The following CCS variants were observed in gnomAD, a reference collection of about 807,000 sequenced individuals.
CCS encodes superoxide dismutase copper chaperone.
A neutral mutation model predicts 35.5 loss-of-function variants in CCS; 32 were observed. The observed-to-expected ratio is 0.90, with a 90% CI of 0.68 to 1.21. CCS has a LOEUF of 1.21. Among genes scored for constraint, CCS ranks in the 50% most tolerant of loss-of-function variants. The pLI is 0.00. For missense variants in CCS, 342 were observed against 375.4 expected, an observed-to-expected ratio of 0.91 and a Z score of 0.73; for synonymous variants, 130 against 147.2, an observed-to-expected ratio of 0.88 and a Z score of 0.84.
At chr11:66,593,855 C>A in intron 2 of CCS, 141 bp downstream of exon 2, 1 of 787,918 alleles carries the variant, frequency 1.3e-6, no homozygotes, top group Non-Finnish European at 2.1e-6. Context: ...CTCAGAGTTA[C>A]ACACAGACCT....
chr11:66,602,449 C>CGA (rs138953573), intron 5 of CCS, among the ~76,000 whole-genome samples: 4 of 151,788 alleles, frequency 2.6e-5, no homozygotes, highest in Non-Finnish European at 2.9e-5. Flanking sequence ...AGTGAATGAG[C>CGA]GAGAGAGAGA....
chr11:66,594,333 TGG>T (rs1858436754), intron 2 of CCS, among the ~76,000 whole-genome samples: 8 of 152,242 alleles, frequency 5.3e-5, no homozygotes, highest in Non-Finnish European at 8.8e-5. Context: ...CACTCTAGCC[TGG>T]GCAACAGAGT....
intron 2 of CCS, among the ~76,000 whole-genome samples, chr11:66,595,737 G>T (rs1858466700): frequency 1.3e-5 from 2 of 152,142 alleles, no homozygotes; most frequent in Non-Finnish European, 2.9e-5. Context: ...ACATTCCAGG[G>T]TCTACCAGTC....
At chr11:66,593,978 T>C (rs1203305522) in intron 2 of CCS, among the ~76,000 whole-genome samples, 2 of 152,074 alleles carry the variant, frequency 1.3e-5, no homozygotes, top group Non-Finnish European at 2.9e-5. Flanking sequence ...GCTGAGGGAG[T>C]TCCTGGGAAA....
intron 2 of CCS, among the ~76,000 whole-genome samples, chr11:66,593,949 C>T (rs1590827200): frequency 6.6e-6 from 1 of 152,150 alleles, no homozygotes; most frequent in Non-Finnish European, 1.5e-5. Flanking sequence ...CTCAGGTGCC[C>T]CAGAGACTGA....
chr11:66,604,998 G>A (rs1858630574), intron 5 of CCS, among the ~76,000 whole-genome samples: 1 of 152,192 alleles, frequency 6.6e-6, no homozygotes, highest in African/African-American at 2.4e-5. Flanking sequence ...CAATTGCCTC[G>A]CCGGAAAAAC....
Position 66,603,845 on chromosome 11 carries a change from C to CAACAA in CCS, c.490-1466_490-1462dup, listed in dbSNP as rs567060029. 1.5e-3 allele frequency among the ~76,000 whole-genome samples: 231 copies of CAACAA among 151,612 alleles called. 1 individual carries two copies. The highest frequency in any genetic ancestry group is 2.9e-3 in the East Asian group (15 of 5,124). On this transcript the variant is annotated intron_variant, in intron 5 of 7. Transcript: ENST00000533244. ...TGGGCGACAGAGCAAGACTCCATCTCAACAAAACAAAACAAAACAAAACAA... is the reference window on the plus strand; with the variant it reads ...TGGGCGACAGAGCAAGACTCCATCTCAACAAAACAAAACAAAACAAAACAAAACAA...
chr11:66,593,517 C>A, intron 1 of CCS, 125 bp from the exon 2 acceptor site: 3 of 1,064,298 alleles, frequency 2.8e-6, no homozygotes, highest in Non-Finnish European at 4.2e-6. Context: ...GAAGAAGGTG[C>A]TTGAAGAGGG....
intron 5 of CCS, among the ~76,000 whole-genome samples, chr11:66,603,673 C>T (rs1206883576): frequency 3.3e-5 from 5 of 152,240 alleles, no homozygotes; most frequent in Admixed American, 2.0e-4. Context: ...TGTGAAACCC[C>T]GTCTCTACTA....
chr11:66,600,065 A>T (rs1858547900), intron 4 of CCS: 1 of 185,252 alleles, frequency 5.4e-6, no homozygotes, highest in African/African-American at 2.4e-5. Flanking sequence ...CAGGAGGTGG[A>T]GGTTGTGGTG....
chr11:66,596,752 A>G (rs1858483998), intron 2 of CCS, among the ~76,000 whole-genome samples: 1 of 152,170 alleles, frequency 6.6e-6, no homozygotes, highest in South Asian at 2.1e-4. Flanking sequence ...GCGGCCTAGG[A>G]GTGAAACAGG....
chr11:66,600,438 C>T (rs770689012), intron 4 of CCS, 51 bp from the exon 5 acceptor site: 8 of 1,087,790 alleles, frequency 7.4e-6, no homozygotes, highest in Non-Finnish European at 1.1e-5. Flanking sequence ...GAGGGTAGAG[C>T]ACCTGGCCTG....
intron 2 of CCS, among the ~76,000 whole-genome samples, chr11:66,594,366 T>A (rs570883241): frequency 1.5e-4 from 23 of 150,588 alleles, no homozygotes; most frequent in Middle Eastern, 3.5e-3. Flanking sequence ...CTCAAAAAAA[T>A]AATAATAATA....
intron 4 of CCS, chr11:66,599,853 A>T (rs1233074682): frequency 2.6e-5 from 13 of 494,294 alleles, no homozygotes; most frequent in Non-Finnish European, 4.6e-5. Context: ...ACAGTAGCTC[A>T]CACCTGTAAT....
rs1302202112 is a variant in CCS, at chr11:66,599,104, C to T, written c.113-12C>T. ...CAGCCTCTGTTGCCCTCTTCCCTCT[C>T]TTTCTTGCCAGGTGTCCAGGATGTG... On this transcript the variant is annotated splice_polypyrimidine_tract_variant and intron_variant, in intron 2 of 7. Coordinates refer to ENST00000533244, the MANE Select transcript of CCS (RefSeq NM_005125.2). 5.0e-6 allele frequency: 8 copies of T among 1,614,014 alleles called. No homozygotes were observed. The highest frequency in any genetic ancestry group is 1.7e-5 in the Admixed American group (1 of 60,000).
chr11:66,599,411 T>C (rs376980222), intron 3 of CCS, 48 bp from the exon 4 acceptor site: 14 of 1,504,868 alleles, frequency 9.3e-6, no homozygotes, highest in Non-Finnish European at 1.2e-5. Context: ...GCTGAAGAGG[T>C]GTGCTGGGTG....
rs760212703 is a variant in CCS, at chr11:66,605,495, G to A, written c.574G>A (p.Asp192Asn). 31 of 1,613,902 alleles carry A rather than the reference G, an allele frequency of 1.9e-5. 1 individual carries two copies. Among genetic ancestry groups the A allele is most frequent in the Non-Finnish European group, 9.3e-6 (11 of 1,179,934 alleles). The change falls in exon 7 of 8, where the codon GAT becomes AAT. Residue 192 changes from aspartate to asparagine, a missense_variant. By Grantham distance (23) the Asp-to-Asn change is conservative. Coordinates refer to ENST00000533244, the MANE Select transcript of CCS (RefSeq NM_005125.2). ...RMEDEQLKVW[D>N]VIGRSLIIDE... ...CTGTCGTCTCCCCTCAAAGGTGTGG[G>A]ATGTGATTGGCCGCAGCCTGATTAT... is the stretch of plus-strand genomic sequence containing the variant.
chr11:66,593,243 G>T lies in CCS; in HGVS notation c.-19G>T. The stretch of plus-strand genomic sequence containing the variant: ...GCGCCGGAGGAGTTCTGCGTCTCGG[G>T]GTGGTGACTGGGTCCAGAATGGCTT... On this transcript the variant is annotated 5_prime_UTR_variant, in exon 1 of 8. Coordinates refer to ENST00000533244, the MANE Select transcript of CCS (RefSeq NM_005125.2). 6.4e-7 allele frequency: 1 copy of T among 1,559,960 alleles called. No homozygotes were observed. Among genetic ancestry groups the T allele is most frequent in the Non-Finnish European group, 8.7e-7 (1 of 1,152,306 alleles).
chr11:66,593,822 C>T, intron 2 of CCS, 108 bp downstream of exon 2: 1 of 1,018,098 alleles, frequency 9.8e-7, no homozygotes, highest in South Asian at 1.4e-5. Context: ...AGAAAGTGAA[C>T]CCCAGAGAGT....
Sources: allele counts gnomAD v4.1 joint callset (sites outside exome capture counted in the v4.1 genomes callset), GRCh38; gene constraint gnomAD v4.1.1; transcripts MANE v1.5; gene names NCBI Gene and HGNC (gene_info 2026-07-23, HGNC 2026-07-21).